The following ANKS1B variants were observed in gnomAD, a reference collection of about 807,000 sequenced individuals.
ANKS1B encodes the protein ankyrin repeat and sterile alpha motif domain-containing protein 1B.
Under a neutral mutation model 148.3 loss-of-function variants are expected in ANKS1B, and 36 were observed. The ratio of observed to expected loss-of-function variants is 0.24; its 90% CI spans 0.19 to 0.32. The LOEUF (loss-of-function observed/expected upper bound fraction) is 0.32, where lower values mean the gene tolerates loss of function less well. Ranked by LOEUF, ANKS1B falls within the 10% of genes least tolerant of loss-of-function variation. The probability of loss-of-function intolerance (pLI) is 1.00; values close to 1 mark genes in which losing one functional copy is unlikely to be tolerated. For synonymous variants in ANKS1B, 542 were observed against 560.8 expected, an observed-to-expected ratio of 0.97 and a Z score of 0.47; for missense variants, 1,157 against 1,542.6, an observed-to-expected ratio of 0.75 and a Z score of 4.19.
intron 8 of ANKS1B, among the ~76,000 whole-genome samples, chr12:99,667,796 A>C (rs2153462830): frequency 6.6e-6 from 1 of 152,334 alleles, no homozygotes; most frequent in East Asian, 1.9e-4. Flanking sequence ...ACAATGACTG[A>C]TATGATCATA....
chr12:99,019,610 G>C (rs2099944576), intron 17 of ANKS1B, among the ~76,000 whole-genome samples: 1 of 152,218 alleles, frequency 6.6e-6, no homozygotes, highest in Admixed American at 6.5e-5. Flanking sequence ...ACAACATCAA[G>C]TCATTCTCAA....
intron 8 of ANKS1B, among the ~76,000 whole-genome samples, chr12:99,754,477 G>C (rs6538942): frequency 0.44 from 66,143 of 151,582 alleles, 14,770 homozygotes; most frequent in South Asian, 0.61. Context: ...AGGTATTCAG[G>C]ACCTGAACTC....
At chr12:99,173,322 C>A (rs569594662) in intron 14 of ANKS1B, among the ~76,000 whole-genome samples, 1 of 152,120 alleles carries the variant, frequency 6.6e-6, no homozygotes, top group South Asian at 2.1e-4. Context: ...TGCTTATTTC[C>A]ATTTTCTACT....
At chr12:98,771,645 T>G (rs1261655538) in intron 25 of ANKS1B, among the ~76,000 whole-genome samples, 1 of 152,022 alleles carries the variant, frequency 6.6e-6, no homozygotes, top group African/African-American at 2.4e-5. Flanking sequence ...AGCTAATTTT[T>G]GTTTGTTTGT....
intron 10 of ANKS1B, among the ~76,000 whole-genome samples, chr12:99,487,660 T>C (rs2096510232): frequency 6.6e-6 from 1 of 152,172 alleles, no homozygotes; most frequent in African/African-American, 2.4e-5. Context: ...ATATTTTTTA[T>C]TGTTGATTCA....
At chr12:99,731,413 C>CCTGTGTGTGTGTGT (rs1237223581) in intron 8 of ANKS1B, among the ~76,000 whole-genome samples, 97 of 143,834 alleles carry the variant, frequency 6.7e-4, no homozygotes, top group South Asian at 2.3e-3. Context: ...ACCACCGTGC[C>CCTGTGTGTGTGTGT]GTGTGTGTGT....
chr12:99,190,182 A>AACCTTT (rs1242010295), intron 14 of ANKS1B, among the ~76,000 whole-genome samples: 2 of 152,184 alleles, frequency 1.3e-5, no homozygotes, highest in Non-Finnish European at 2.9e-5. Flanking sequence ...TGCTCAAGGA[A>AACCTTT]ATAAGAGAGA....
chr12:99,407,089 G>A lies in ANKS1B; in HGVS notation c.1576-7278C>T, dbSNP rs1195807523. 1.9e-4 allele frequency among the ~76,000 whole-genome samples: 27 copies of A among 145,230 alleles called. 4 individuals are homozygous for A. The highest frequency in any genetic ancestry group is 6.0e-4 in the African/African-American group (23 of 38,288). ...AGACACATCAAAAACAGAAAACTACGGGCCAATATTCCTGATGCATGTTGA... is the reference window on the plus strand; with the variant it reads ...AGACACATCAAAAACAGAAAACTACAGGCCAATATTCCTGATGCATGTTGA... On this transcript the variant is annotated intron_variant, in intron 11 of 26. Transcript: ENST00000683438.
At chr12:99,723,138 G>T (rs933802339) in intron 8 of ANKS1B, among the ~76,000 whole-genome samples, 2 of 152,188 alleles carry the variant, frequency 1.3e-5, no homozygotes, top group African/African-American at 4.8e-5. Context: ...TGAGTTCCCG[G>T]TGGGGAGGGG....
intron 17 of ANKS1B, among the ~76,000 whole-genome samples, chr12:99,003,718 A>G (rs1156436746): frequency 3.9e-5 from 6 of 152,222 alleles, no homozygotes; most frequent in Admixed American, 2.0e-4. Context: ...GTTGTGCAGT[A>G]GAGCCTGATG....
intron 10 of ANKS1B, among the ~76,000 whole-genome samples, chr12:99,454,534 C>A (rs1268471541): frequency 6.6e-6 from 1 of 152,284 alleles, no homozygotes; most frequent in South Asian, 2.1e-4. Flanking sequence ...ACATAAAAAG[C>A]AGTGCAATGA....
At chr12:98,883,672 T>C (rs2099723294) in intron 17 of ANKS1B, among the ~76,000 whole-genome samples, 1 of 152,188 alleles carries the variant, frequency 6.6e-6, no homozygotes, top group Non-Finnish European at 1.5e-5. Context: ...TAAATTATGC[T>C]GAAAAGTTAA....
chr12:99,634,037 G>T (rs867940821), intron 9 of ANKS1B, among the ~76,000 whole-genome samples: 33 of 152,120 alleles, frequency 2.2e-4, no homozygotes, highest in African/African-American at 7.2e-4. Flanking sequence ...GGAAGAAATG[G>T]ATTTTTATGT....
rs765655912 is a variant in ANKS1B at position 98,744,347 on chromosome 12, CAGTT to C, written c.*1388_*1391del. 4.3e-5 allele frequency: 39 copies of C among 909,722 alleles called. No homozygotes were observed. In the Admixed American group the frequency reaches 4.3e-4, roughly 10 times the overall value. The allele number at this position is 909,722 out of a possible 1,614,324, so 56.4% of individuals were successfully genotyped here. A position where few individuals can be genotyped will look rare whatever the true frequency, so the allele number is the denominator to read the frequency against. ...AACTGATGAATGTAACTGATCATCT[CAGTT>C]AGGTTTAAAATAATGTCAGTTAATA... is the stretch of plus-strand genomic sequence containing the variant. On this transcript the variant is annotated 3_prime_UTR_variant, in exon 27 of 27. Transcript: ENST00000683438.
chr12:99,845,756 A>C lies in ANKS1B; in HGVS notation c.135-20367T>G, dbSNP rs79032088. Among the ~76,000 whole-genome samples the C allele has an allele frequency of 7.9e-3, 1,202 of 152,090 alleles. 15 individuals carry two copies. Among genetic ancestry groups the C allele is most frequent in the African/African-American group, 0.027 (1,136 of 41,530 alleles). On this transcript the variant is annotated intron_variant, in intron 1 of 26. Transcript: ENST00000683438. ...CTCATAGAACGAGGTAGGGAGGAGT[A>C]CTTCCTTTTCGATTTTTTTGGAATA... is the stretch of plus-strand genomic sequence containing the variant.
intron 15 of ANKS1B, among the ~76,000 whole-genome samples, chr12:99,139,273 CT>C (rs908665605): frequency 5.8e-5 from 8 of 136,810 alleles, no homozygotes. Context: ...CTTTCCTTTC[CT>C]TTCTTCCTTC....
At chr12:99,206,512 T>A (rs561955344) in intron 14 of ANKS1B, among the ~76,000 whole-genome samples, 8 of 152,304 alleles carry the variant, frequency 5.3e-5, no homozygotes, top group South Asian at 4.2e-4. Context: ...TCAAAGATTG[T>A]TTTACAGAAA....
intron 17 of ANKS1B, among the ~76,000 whole-genome samples, chr12:98,942,544 A>T (rs1403383482): frequency 2.6e-5 from 4 of 152,208 alleles, no homozygotes; most frequent in Non-Finnish European, 4.4e-5. Flanking sequence ...TCCCCTCAGC[A>T]GAATGTCCTT....
intron 9 of ANKS1B, among the ~76,000 whole-genome samples, chr12:99,509,173 C>T (rs1160373214): frequency 1.3e-5 from 2 of 151,728 alleles, no homozygotes; most frequent in Non-Finnish European, 2.9e-5. Flanking sequence ...CTCATCTTCT[C>T]CTTGGGCCTC....
Sources: gnomAD v4.1 joint callset for allele counts (sites outside exome capture counted in the v4.1 genomes callset) on GRCh38, gnomAD v4.1.1 for gene constraint, MANE v1.5 for transcripts, NCBI Gene and HGNC (gene_info 2026-07-23, HGNC 2026-07-21) for gene names.